Variants in UIMC1 observed in about 807,000 individuals in gnomAD.
The protein encoded by UIMC1 is ubiquitin interaction motif containing 1.
Under a neutral mutation model 84.9 loss-of-function variants are expected in UIMC1, and 42 were observed. The observed-to-expected ratio is 0.49, with a 90% CI of 0.39 to 0.64. The LOEUF is 0.64. UIMC1 is among the 30% of genes least tolerant of loss of function. UIMC1 has a pLI of 0.00. For synonymous variants in UIMC1, 281 were observed against 293.0 expected, an observed-to-expected ratio of 0.96 and a Z score of 0.42; for missense variants, 825 against 847.6, an observed-to-expected ratio of 0.97 and a Z score of 0.33.
intron 1 of UIMC1, among the ~76,000 whole-genome samples, chr5:176,990,306 C>A (rs753335143): frequency 6.6e-6 from 1 of 152,038 alleles, no homozygotes; most frequent in Non-Finnish European, 1.5e-5. Context: ...CCCTTTTACC[C>A]TTCTGCCATG....
upstream of UIMC1, among the ~76,000 whole-genome samples, chr5:177,011,175 C>T (rs1331765992): frequency 1.4e-5 from 2 of 145,264 alleles, no homozygotes. Flanking sequence ...GCCTGGGTGA[C>T]AAAGCAAGAC....
chr5:177,022,024 C>G (rs561168142), intron 1 of UIMC1, among the ~76,000 whole-genome samples: 30 of 152,284 alleles, frequency 2.0e-4, no homozygotes, highest in Middle Eastern at 6.8e-3. Context: ...CATGATCTGA[C>G]TTGTCATAAG....
chr5:176,938,240 T>TA (rs35080198), intron 10 of UIMC1, among the ~76,000 whole-genome samples: 37,336 of 111,844 alleles, frequency 0.33, 4,940 homozygotes, highest in Middle Eastern at 0.43. Flanking sequence ...CCTTCCACAG[T>TA]AAAAAAAAAA....
At chr5:177,022,522 T>C in exon 1 of UIMC1, 3 of 458,990 alleles carry the variant, frequency 6.5e-6, no homozygotes, top group Admixed American at 4.3e-5. Context: ...GAGGGGGGGG[T>C]CACTGCTGCG....
At chr5:177,018,263 T>C (rs908258245) in intron 1 of UIMC1, among the ~76,000 whole-genome samples, 4 of 151,794 alleles carry the variant, frequency 2.6e-5, no homozygotes, top group African/African-American at 9.7e-5. Context: ...AGGCGGAGAA[T>C]TGTTTGAACC....
chr5:176,919,505 C>T (rs1448743250), intron 10 of UIMC1, among the ~76,000 whole-genome samples: 1 of 152,060 alleles, frequency 6.6e-6, no homozygotes, highest in Non-Finnish European at 1.5e-5. Context: ...AGATAGTTCC[C>T]CTGACTCGCT....
At chr5:176,982,424 T>C (rs368811933) in intron 2 of UIMC1, 45 bp downstream of exon 2, 8 of 1,581,444 alleles carry the variant, frequency 5.1e-6, no homozygotes, top group African/African-American at 1.4e-5. Flanking sequence ...TAAAGAAGCA[T>C]AGTTTGAGAG....
intron 10 of UIMC1, among the ~76,000 whole-genome samples, chr5:176,937,079 C>T (rs1763797637): frequency 6.6e-6 from 1 of 152,096 alleles, no homozygotes; most frequent in Admixed American, 6.5e-5. Flanking sequence ...CTTTTATTCT[C>T]CCTAGGTGTC....
intron 10 of UIMC1, among the ~76,000 whole-genome samples, chr5:176,929,772 C>T (rs1762858889): frequency 6.6e-6 from 1 of 152,056 alleles, no homozygotes; most frequent in Non-Finnish European, 1.5e-5. Context: ...TTTTGCAAGA[C>T]AAATACCAAA....
chr5:176,911,416 T>C (rs186258089), intron 10 of UIMC1, 27 bp from the exon 11 acceptor site: 53 of 1,411,544 alleles, frequency 3.8e-5, no homozygotes, highest in Middle Eastern at 2.2e-4. Context: ...TATATATATA[T>C]ACACATAGTT....
At chr5:177,003,364 C>A (rs926989776) in intron 1 of UIMC1, among the ~76,000 whole-genome samples, 24 of 152,008 alleles carry the variant, frequency 1.6e-4, no homozygotes, top group African/African-American at 2.4e-5. Context: ...GGATATAAAA[C>A]TTAAGGTAGG....
At chr5:176,907,938 A>C (rs1759609708) in intron 12 of UIMC1, among the ~76,000 whole-genome samples, 1 of 152,256 alleles carries the variant, frequency 6.6e-6, no homozygotes, top group African/African-American at 2.4e-5. Flanking sequence ...CTTGTAACAC[A>C]AAAGAACCAA....
upstream of UIMC1, among the ~76,000 whole-genome samples, chr5:177,007,707 T>C (rs1299045956): frequency 6.6e-6 from 1 of 152,132 alleles, no homozygotes; most frequent in South Asian, 2.1e-4. Context: ...TAAGATGAAC[T>C]AGATGGATAC....
intron 9 of UIMC1, 151 bp from the exon 10 acceptor site, chr5:176,943,639 T>C: frequency 2.1e-6 from 2 of 961,212 alleles, no homozygotes; most frequent in Non-Finnish European, 3.1e-6. Flanking sequence ...GAGATACTAC[T>C]GATAGAGTCA....
At chr5:177,020,246 C>A (rs758881220) in intron 1 of UIMC1, among the ~76,000 whole-genome samples, 13 of 152,166 alleles carry the variant, frequency 8.5e-5, no homozygotes, top group African/African-American at 1.2e-4. Flanking sequence ...TTTGTACCTG[C>A]TGTTCTCTCT....
intron 10 of UIMC1, among the ~76,000 whole-genome samples, chr5:176,918,071 A>G (rs942986303): frequency 3.3e-5 from 5 of 152,204 alleles, no homozygotes; most frequent in Non-Finnish European, 7.3e-5. Flanking sequence ...CACTTCTATC[A>G]TTGCACAAGT....
chr5:176,993,180 C>CA (rs71299776), intron 1 of UIMC1, among the ~76,000 whole-genome samples: 42,844 of 127,436 alleles, frequency 0.34, 6,712 homozygotes, highest in Middle Eastern at 0.4. Flanking sequence ...GACTCCATCT[C>CA]AAAAAAAAAA....
intron 9 of UIMC1, among the ~76,000 whole-genome samples, chr5:176,944,382 G>GTT (rs1372155000): frequency 3.9e-5 from 6 of 152,202 alleles, no homozygotes; most frequent in Non-Finnish European, 5.9e-5. Flanking sequence ...CTTAAAGGCA[G>GTT]TTTTATTTTA....
At chr5:176,978,033 T>C (rs1280383409) in intron 2 of UIMC1, among the ~76,000 whole-genome samples, 1 of 152,204 alleles carries the variant, frequency 6.6e-6, no homozygotes, top group South Asian at 2.1e-4. Context: ...TTTTTTCATA[T>C]ACAAAAATAC....
Sources: gnomAD v4.1 joint callset for allele counts (sites outside exome capture counted in the v4.1 genomes callset) on GRCh38, gnomAD v4.1.1 for gene constraint, MANE v1.5 for transcripts, NCBI Gene and HGNC (gene_info 2026-07-23, HGNC 2026-07-21) for gene names.